The following ZNF600 variants were observed in gnomAD, a reference collection of about 807,000 sequenced individuals.
The protein encoded by ZNF600 is zinc finger protein 600.
ZNF600 carries 4 observed loss-of-function variants against 7.3 expected under a neutral mutation model. That is an observed-to-expected ratio of 0.55 (90% CI 0.27 to 1.25). The LOEUF (loss-of-function observed/expected upper bound fraction) is 1.25, where lower values mean the gene tolerates loss of function less well. Ranked by LOEUF, ZNF600 falls within the 50% of genes most tolerant of loss-of-function variation. The pLI, the probability that ZNF600 is intolerant of heterozygous loss-of-function variation, is 0.12. For missense variants in ZNF600, 911 were observed against 922.1 expected, an observed-to-expected ratio of 0.99 and a Z score of 0.16; for synonymous variants, 290 against 308.9, an observed-to-expected ratio of 0.94 and a Z score of 0.64.
exon 3 of ZNF600, chr19:52,774,697 C>T (rs192294275): frequency 7.1e-6 from 7 of 985,324 alleles, no homozygotes; most frequent in East Asian, 1.1e-4. Flanking sequence ...GAAAGTCAAG[C>T]GTCCCTAAAA....
chr19:52,778,949 C>T, intron 1 of ZNF600, 42 bp from the exon 4 acceptor site: 1 of 1,543,948 alleles, frequency 6.5e-7, no homozygotes, highest in Non-Finnish European at 8.7e-7. Flanking sequence ...AGAAATGACT[C>T]ACTCCCATCC....
At chr19:52,810,815 T>A in the ZNF600 span, 267 of 324,302 alleles carry the variant, frequency 8.2e-4, 3 homozygotes, top group East Asian at 8.9e-3. Flanking sequence ...TGGAAAAAAA[T>A]ATATATATAT....
the ZNF600 span, among the ~76,000 whole-genome samples, chr19:52,828,835 A>G: frequency 5.9e-5 from 9 of 152,226 alleles, no homozygotes; most frequent in East Asian, 1.7e-3. Flanking sequence ...CATGAATAAG[A>G]CCAGTGCCTT....
At chr19:52,774,852 A>G (rs1265588904) in intron 2 of ZNF600, among the ~76,000 whole-genome samples, 151 bp from the exon 5 acceptor site, 1 of 152,198 alleles carries the variant, frequency 6.6e-6, no homozygotes, top group Non-Finnish European at 1.5e-5. Flanking sequence ...CTATAGTTGC[A>G]TTTTATTGTA....
At chr19:52,801,221 T>C in the ZNF600 span, 5 of 1,614,042 alleles carry the variant, frequency 3.1e-6, no homozygotes, top group African/African-American at 6.7e-5. Flanking sequence ...CTCTCATGTG[T>C]ACATTCCGTT....
chr19:52,829,180 CTTTTT>C, the ZNF600 span, among the ~76,000 whole-genome samples: 1 of 140,664 alleles, frequency 7.1e-6, no homozygotes, highest in Non-Finnish European at 1.5e-5. Flanking sequence ...TTATTTTTTT[CTTTTT>C]TTATTTTATT....
At chr19:52,795,702 G>C in the ZNF600 span, among the ~76,000 whole-genome samples, 4 of 152,164 alleles carry the variant, frequency 2.6e-5, no homozygotes, top group East Asian at 7.7e-4. Context: ...GAGTAGCTGG[G>C]ATTACAGGCA....
the ZNF600 span, among the ~76,000 whole-genome samples, chr19:52,832,433 G>A: frequency 6.6e-6 from 1 of 151,630 alleles, no homozygotes; most frequent in Non-Finnish European, 1.5e-5. Flanking sequence ...TCTCTACTAA[G>A]AATACAGAAA....
At chr19:52,769,231 C>T (rs1568626973) in intron 3 of ZNF600, among the ~76,000 whole-genome samples, 1 of 152,144 alleles carries the variant, frequency 6.6e-6, no homozygotes, top group Non-Finnish European at 1.5e-5. Flanking sequence ...GAGGGCCTGA[C>T]ATCAGTCAGG....
chr19:52,831,628 A>T, the ZNF600 span, among the ~76,000 whole-genome samples: 3 of 151,530 alleles, frequency 2.0e-5, no homozygotes, highest in Non-Finnish European at 4.4e-5. Flanking sequence ...TCAGCCTCCC[A>T]AGTAGCTGGG....
At chr19:52,827,949 A>T in the ZNF600 span, among the ~76,000 whole-genome samples, 422 of 152,288 alleles carry the variant, frequency 2.8e-3, 1 homozygote, top group African/African-American at 9.6e-3. Context: ...AAGACTGGCT[A>T]CTGTAATACC....
At chr19:52,811,299 C>T in the ZNF600 span, among the ~76,000 whole-genome samples, 43 of 151,386 alleles carry the variant, frequency 2.8e-4, no homozygotes, top group African/African-American at 9.3e-4. Flanking sequence ...ATTGCAGCCT[C>T]TGCCCGGCCG....
the ZNF600 span, chr19:52,800,679 T>C: frequency 1.2e-6 from 2 of 1,613,950 alleles, no homozygotes; most frequent in South Asian, 2.2e-5. Context: ...GAAAACTTTT[T>C]CACATTCTTC....
the ZNF600 span, among the ~76,000 whole-genome samples, chr19:52,829,885 G>A: frequency 2.6e-3 from 396 of 152,222 alleles, 3 homozygotes; most frequent in African/African-American, 8.9e-3. Flanking sequence ...CAACATCGCT[G>A]AAGGCTGACA....
the ZNF600 span, among the ~76,000 whole-genome samples, chr19:52,806,755 A>G: frequency 6.6e-6 from 1 of 151,946 alleles, no homozygotes; most frequent in African/African-American, 2.4e-5. Context: ...CACAAAAATT[A>G]GCTGGGCATG....
At chr19:52,774,137 A>G (rs771361028) in intron 3 of ZNF600, among the ~76,000 whole-genome samples, 5 of 152,074 alleles carry the variant, frequency 3.3e-5, no homozygotes, top group Non-Finnish European at 5.9e-5. Context: ...CTTAAAAACA[A>G]ACTTGGATGG....
the ZNF600 span, among the ~76,000 whole-genome samples, chr19:52,816,672 G>GA: frequency 0.019 from 2,763 of 142,618 alleles, 433 homozygotes; most frequent in African/African-American, 0.072. Flanking sequence ...CTCAAAAAAA[G>GA]AAAAAAAAAA....
the ZNF600 span, among the ~76,000 whole-genome samples, chr19:52,820,194 T>C: frequency 8.6e-6 from 1 of 115,952 alleles, no homozygotes; most frequent in South Asian, 3.0e-4. Flanking sequence ...CTCGGCTCAC[T>C]GCAAGCTCTG....
the ZNF600 span, chr19:52,799,466 A>T: frequency 1.1e-6 from 1 of 875,044 alleles, no homozygotes; most frequent in Non-Finnish European, 1.8e-6. Flanking sequence ...GAATTCTATG[A>T]TGACGTGCAA....
Sources: allele counts gnomAD v4.1 joint callset (sites outside exome capture counted in the v4.1 genomes callset), GRCh38; gene constraint gnomAD v4.1.1; transcripts MANE v1.5; gene names NCBI Gene and HGNC (gene_info 2026-07-23, HGNC 2026-07-21).